Variants in APBA2 observed in about 807,000 individuals in gnomAD.
The protein encoded by APBA2 is amyloid-beta A4 precursor protein-binding family A member 2.
APBA2 carries 30 observed loss-of-function variants against 75.0 expected under a neutral mutation model. The observed-to-expected ratio is 0.40, with a 90% CI of 0.30 to 0.54. APBA2 has a LOEUF of 0.54. Ranked by LOEUF, APBA2 falls within the 20% of genes least tolerant of loss-of-function variation. The pLI is 0.49. For missense variants in APBA2, 801 were observed against 1,016.1 expected, an observed-to-expected ratio of 0.79 and a Z score of 2.88; for synonymous variants, 444 against 409.6, an observed-to-expected ratio of 1.08 and a Z score of -1.01.
intron 4 of APBA2, among the ~76,000 whole-genome samples, chr15:29,062,994 TG>T (rs760401086): frequency 2.2e-4 from 14 of 63,902 alleles, no homozygotes; most frequent in Admixed American, 9.7e-4. Context: ...GGAGTTGATC[TG>T]GGTCAGTGTC....
At chr15:29,104,674 A>G (rs948503196) in intron 10 of APBA2, among the ~76,000 whole-genome samples, 5 of 152,238 alleles carry the variant, frequency 3.3e-5, no homozygotes, top group Non-Finnish European at 7.3e-5. Context: ...CTCTGCCTCC[A>G]GTGGGCACTG....
In APBA2 at chr15:29,034,612, GA is replaced by G. The variant is rs143161248; in HGVS notation, c.-40-19232del. ...ATGCATGCTATTTGTTTACTTTGAA[GA>G]GTGACACTTGGAACCAATGTCAGTT... On this transcript the variant is annotated intron_variant, in intron 3 of 14. Coordinates refer to ENST00000683413, the MANE Select transcript of APBA2 (RefSeq NM_001353788.2). 5.7e-3 allele frequency among the ~76,000 whole-genome samples: 875 copies of G among 152,328 alleles called. 6 individuals carry two copies. Among genetic ancestry groups the G allele is most frequent in the African/African-American group, 0.02 (832 of 41,568 alleles).
intron 1 of APBA2, among the ~76,000 whole-genome samples, chr15:28,904,429 T>C (rs1013542308): frequency 6.6e-6 from 1 of 152,248 alleles, no homozygotes; most frequent in Non-Finnish European, 1.5e-5. Flanking sequence ...ATAAATATCC[T>C]TGTAGTTGTG....
intron 1 of APBA2, among the ~76,000 whole-genome samples, chr15:28,920,674 G>T (rs1349067478): frequency 6.6e-6 from 1 of 152,220 alleles, no homozygotes; most frequent in Non-Finnish European, 1.5e-5. Flanking sequence ...TATCAAGTTG[G>T]AAGGCAGCAG....
chr15:28,978,927 G>A (rs2037479016), intron 2 of APBA2, among the ~76,000 whole-genome samples: 1 of 152,216 alleles, frequency 6.6e-6, no homozygotes, highest in African/African-American at 2.4e-5. Context: ...AGTCCAAAGG[G>A]CTCTATGCCC....
intron 3 of APBA2, among the ~76,000 whole-genome samples, chr15:29,002,261 T>C (rs2038887798): frequency 1.3e-5 from 2 of 152,236 alleles, no homozygotes; most frequent in Admixed American, 6.5e-5. Flanking sequence ...TGATGAGCAA[T>C]GTACATGTCA....
intron 4 of APBA2, among the ~76,000 whole-genome samples, chr15:29,068,173 G>A (rs967926912): frequency 2.6e-5 from 4 of 152,246 alleles, no homozygotes; most frequent in African/African-American, 9.6e-5. Context: ...AGAACTGCAA[G>A]CTTGAGCCTC....
intron 1 of APBA2, among the ~76,000 whole-genome samples, chr15:28,919,643 A>G (rs1033747132): frequency 1.3e-5 from 2 of 152,114 alleles, no homozygotes; most frequent in Non-Finnish European, 2.9e-5. Flanking sequence ...GAACAGCTTC[A>G]TCAGCACACC....
At chr15:29,100,818 G>C (rs911397589) in intron 9 of APBA2, among the ~76,000 whole-genome samples, 2 of 152,192 alleles carry the variant, frequency 1.3e-5, no homozygotes, top group African/African-American at 4.8e-5. Flanking sequence ...GGAATGTATG[G>C]GTTTCACTAT....
At chr15:29,112,819 T>C (rs553078129) in intron 13 of APBA2, among the ~76,000 whole-genome samples, 1 of 152,230 alleles carries the variant, frequency 6.6e-6, no homozygotes, top group African/African-American at 2.4e-5. Context: ...GTCTTCCTCC[T>C]CCCCAACAGG....
intron 2 of APBA2, among the ~76,000 whole-genome samples, chr15:28,934,726 G>A (rs1442572651): frequency 6.6e-6 from 1 of 152,142 alleles, no homozygotes; most frequent in Non-Finnish European, 1.5e-5. Flanking sequence ...ACCTCTGAAG[G>A]ACTGCCCCAT....
intron 2 of APBA2, among the ~76,000 whole-genome samples, chr15:28,940,896 A>G (rs1050878659): frequency 1.3e-5 from 2 of 152,196 alleles, no homozygotes; most frequent in African/African-American, 4.8e-5. Context: ...AAAAACTATT[A>G]AAGTCAAAGT....
At chr15:29,025,962 A>G (rs2152836976) in intron 3 of APBA2, among the ~76,000 whole-genome samples, 1 of 144,496 alleles carries the variant, frequency 6.9e-6, no homozygotes. Context: ...AAAAAAAAAA[A>G]AAAGAAAAGA....
chr15:29,020,815 A>T (rs2039916288), intron 3 of APBA2, among the ~76,000 whole-genome samples: 1 of 152,160 alleles, frequency 6.6e-6, no homozygotes. Flanking sequence ...CATCTCAAAA[A>T]ACAAAAGACA....
At chr15:29,074,272 A>C (rs985338548) in intron 4 of APBA2, among the ~76,000 whole-genome samples, 1 of 152,236 alleles carries the variant, frequency 6.6e-6, no homozygotes. Context: ...TGGATAAACA[A>C]GAGGTGGCAT....
At chr15:29,084,998 G>A (rs1436163061) in intron 6 of APBA2, among the ~76,000 whole-genome samples, 1 of 152,140 alleles carries the variant, frequency 6.6e-6, no homozygotes, top group South Asian at 2.1e-4. Context: ...ATAATATCTG[G>A]TCATCTCTTT....
intron 10 of APBA2, among the ~76,000 whole-genome samples, chr15:29,103,996 C>T (rs922141814): frequency 3.9e-5 from 6 of 152,242 alleles, no homozygotes; most frequent in African/African-American, 1.4e-4. Context: ...GGCGTGGGAA[C>T]CGGCAAGTCC....
chr15:28,996,061 A>C (rs1055356984), intron 3 of APBA2, among the ~76,000 whole-genome samples: 1 of 152,112 alleles, frequency 6.6e-6, no homozygotes, highest in African/African-American at 2.4e-5. Flanking sequence ...CCACCACCCA[A>C]TGACAACACA....
chr15:29,111,755 C>T (rs951488961), intron 13 of APBA2, among the ~76,000 whole-genome samples: 9 of 152,108 alleles, frequency 5.9e-5, no homozygotes, highest in Non-Finnish European at 1.3e-4. Flanking sequence ...ACTTGTGCCC[C>T]TGCAGGCCAG....
Sources: gnomAD v4.1 joint callset for allele counts (sites outside exome capture counted in the v4.1 genomes callset) on GRCh38, gnomAD v4.1.1 for gene constraint, MANE v1.5 for transcripts, NCBI Gene and HGNC (gene_info 2026-07-23, HGNC 2026-07-21) for gene names.